NLN: variants seen among roughly 807,000 people sequenced by gnomAD.
NLN encodes neurolysin, also known as neurolysin, mitochondrial.
NLN carries 64 observed loss-of-function variants against 79.9 expected under a neutral mutation model. The ratio of observed to expected loss-of-function variants is 0.80; its 90% CI spans 0.65 to 0.99. The LOEUF (loss-of-function observed/expected upper bound fraction) is 0.99. Ranked by LOEUF, NLN falls within the 50% of genes least tolerant of loss-of-function variation. The probability of loss-of-function intolerance (pLI) is 0.00; values close to 1 mark genes in which losing one functional copy is unlikely to be tolerated. For synonymous variants in NLN, 267 were observed against 296.6 expected (o/e 0.90, Z 1.02); for missense variants, 835 against 858.7 (o/e 0.97, Z 0.34).
At chr5:65,794,779 C>T (rs191541001) in intron 9 of NLN, among the ~76,000 whole-genome samples, 2 of 152,252 alleles carry the variant, frequency 1.3e-5, no homozygotes, top group Admixed American at 6.5e-5. Flanking sequence ...CCTGTGCATC[C>T]AGCATCCCTA....
At chr5:65,803,427 C>A (rs553044370) in intron 9 of NLN, among the ~76,000 whole-genome samples, 1 of 152,294 alleles carries the variant, frequency 6.6e-6, no homozygotes, top group African/African-American at 2.4e-5. Context: ...CTGTCCTGAG[C>A]ATATGGACAC....
At chr5:65,816,875 G>A (rs1034319918) in intron 12 of NLN, among the ~76,000 whole-genome samples, 9 of 152,116 alleles carry the variant, frequency 5.9e-5, no homozygotes, top group Non-Finnish European at 4.4e-5. Flanking sequence ...TAGCGGGATG[G>A]CCCTTCAAAG....
intron 3 of NLN, among the ~76,000 whole-genome samples, chr5:65,770,239 G>A (rs1759538716): frequency 6.6e-6 from 1 of 152,144 alleles, no homozygotes; most frequent in Non-Finnish European, 1.5e-5. Context: ...ATAAGGAAAA[G>A]TGAAAAGAGT....
intron 9 of NLN, among the ~76,000 whole-genome samples, chr5:65,801,620 TA>T (rs1448300805): frequency 6.6e-6 from 1 of 152,258 alleles, no homozygotes; most frequent in African/African-American, 2.4e-5. Flanking sequence ...GGGTTATTTT[TA>T]GCTTTTTCTC....
intron 1 of NLN, among the ~76,000 whole-genome samples, chr5:65,729,550 AT>A (rs1446517978): frequency 6.6e-6 from 1 of 151,522 alleles, no homozygotes. Flanking sequence ...AATATTTTGT[AT>A]TTTTAGCAGA....
chr5:65,755,831 G>T (rs190173445), intron 1 of NLN, among the ~76,000 whole-genome samples: 2 of 152,222 alleles, frequency 1.3e-5, no homozygotes, highest in African/African-American at 4.8e-5. Flanking sequence ...TCTCTCCTGT[G>T]TGAAAAATGT....
At chr5:65,812,046 C>G (rs990758573) in intron 11 of NLN, among the ~76,000 whole-genome samples, 2 of 152,020 alleles carry the variant, frequency 1.3e-5, no homozygotes, top group Admixed American at 1.3e-4. Context: ...AGCTTGGGGC[C>G]GAAACCAGCT....
chr5:65,770,573 A>G (rs1561194468), intron 3 of NLN, among the ~76,000 whole-genome samples: 1 of 152,246 alleles, frequency 6.6e-6, no homozygotes, highest in South Asian at 2.1e-4. Context: ...ACTGCTTCTA[A>G]GAGTATAACT....
chr5:65,775,394 G>T (rs539430080), intron 3 of NLN, among the ~76,000 whole-genome samples: 4 of 152,250 alleles, frequency 2.6e-5, no homozygotes, highest in South Asian at 2.1e-4. Context: ...TTAGCTTCTC[G>T]CTGGCTCCTT....
At chr5:65,743,991 C>G (rs1758921125) in intron 1 of NLN, among the ~76,000 whole-genome samples, 1 of 152,224 alleles carries the variant, frequency 6.6e-6, no homozygotes, top group African/African-American at 2.4e-5. Context: ...GGCAGAGTCA[C>G]ACACACTGTC....
At chr5:65,766,415 T>C (rs990665621) in intron 3 of NLN, among the ~76,000 whole-genome samples, 1 of 152,020 alleles carries the variant, frequency 6.6e-6, no homozygotes, top group Non-Finnish European at 1.5e-5. Context: ...TATCAAACAA[T>C]CAGATCTTGT....
At chr5:65,733,015 T>C in intron 1 of NLN, 1 of 1,076,338 alleles carries the variant, frequency 9.3e-7, no homozygotes, top group Non-Finnish European at 1.4e-6. Flanking sequence ...AATGCCCACT[T>C]CAAGTTTACC....
intron 6 of NLN, among the ~76,000 whole-genome samples, chr5:65,782,703 C>T (rs1357713751): frequency 6.6e-6 from 1 of 152,194 alleles, no homozygotes; most frequent in African/African-American, 2.4e-5. Context: ...TAGGCAGAAC[C>T]TCCCTGAGCA....
At chr5:65,771,913 T>G (rs890435570) in intron 3 of NLN, among the ~76,000 whole-genome samples, 1 of 112,928 alleles carries the variant, frequency 8.9e-6, no homozygotes, top group Non-Finnish European at 1.9e-5. Context: ...AATGAAGAGA[T>G]AAAAATTTTA....
chr5:65,822,959 A>G lies in NLN; in HGVS notation c.*44A>G, dbSNP rs200947991. 27 of 1,568,250 alleles carry G rather than the reference A, an allele frequency of 1.7e-5. No homozygotes were observed. Among genetic ancestry groups the G allele is most frequent in the African/African-American group, 4.1e-5 (3 of 73,904 alleles). ...CCGTCCATGTCTGGAGGACAAGTCG[A>G]CATCACCATGTGTTACTGGCCTGGA... On this transcript the variant is annotated 3_prime_UTR_variant, in exon 13 of 13. Coordinates refer to ENST00000380985, the MANE Select transcript of NLN (RefSeq NM_020726.5).
chr5:65,809,223 A>T (rs1760487693), intron 9 of NLN: 1 of 259,988 alleles, frequency 3.8e-6, no homozygotes, highest in Non-Finnish European at 7.2e-6. Context: ...GCTTGTTTTT[A>T]GCTTAGACTG....
chr5:65,753,181 T>G (rs1181801336), intron 1 of NLN, among the ~76,000 whole-genome samples: 2 of 152,194 alleles, frequency 1.3e-5, no homozygotes, highest in Non-Finnish European at 2.9e-5. Flanking sequence ...TATTGAAACA[T>G]CGCACTGTAT....
At chr5:65,818,970 C>A (rs1760732407) in intron 12 of NLN, 1 of 152,208 alleles carries the variant, frequency 6.6e-6, no homozygotes, top group Non-Finnish European at 1.5e-5. Flanking sequence ...AGATGATGGA[C>A]ATCCTTCATT....
chr5:65,764,397 A>G (rs1579932480), intron 3 of NLN, among the ~76,000 whole-genome samples: 2 of 152,234 alleles, frequency 1.3e-5, no homozygotes, highest in East Asian at 3.9e-4. Flanking sequence ...CATGGTGGCA[A>G]GCACCTGTAT....
Sources: gnomAD v4.1 joint callset for allele counts (sites outside exome capture counted in the v4.1 genomes callset) on GRCh38, gnomAD v4.1.1 for gene constraint, MANE v1.5 for transcripts, NCBI Gene and HGNC (gene_info 2026-07-23, HGNC 2026-07-21) for gene names.